The following PTPRG variants were observed in gnomAD, a reference collection of about 807,000 sequenced individuals.
The protein encoded by PTPRG is receptor-type tyrosine-protein phosphatase gamma.
Under a neutral mutation model 165.3 loss-of-function variants are expected in PTPRG, and 102 were observed. That is an observed-to-expected ratio of 0.62 (90% CI 0.53 to 0.73). The LOEUF is 0.73. Ranked by LOEUF, PTPRG falls within the 30% of genes least tolerant of loss-of-function variation. The pLI is 0.00. For missense variants in PTPRG, 1,866 were observed against 1,861.4 expected, an observed-to-expected ratio of 1.00 and a Z score of -0.05; for synonymous variants, 675 against 669.5, an observed-to-expected ratio of 1.01 and a Z score of -0.13.
chr3:61,757,797 G>T (rs1002470294), intron 2 of PTPRG, among the ~76,000 whole-genome samples: 3 of 151,936 alleles, frequency 2.0e-5, no homozygotes, highest in Non-Finnish European at 4.4e-5. Context: ...TTTTTTCTTG[G>T]TTATAAATTT....
intron 5 of PTPRG, among the ~76,000 whole-genome samples, chr3:62,123,994 C>G (rs575045232): frequency 1.3e-5 from 2 of 152,126 alleles, no homozygotes; most frequent in African/African-American, 4.8e-5. Context: ...AAGTCTTTTT[C>G]ATAAATAACG....
At chr3:62,074,333 CCTTT>C (rs1701308313) in intron 4 of PTPRG, among the ~76,000 whole-genome samples, 1 of 138,108 alleles carries the variant, frequency 7.2e-6, no homozygotes, top group African/African-American at 2.9e-5. Context: ...TTCTTTTTTT[CCTTT>C]CTTTTCTTTT....
intron 1 of PTPRG, among the ~76,000 whole-genome samples, chr3:61,589,255 C>G (rs1312599389): frequency 2.0e-5 from 3 of 152,078 alleles, no homozygotes; most frequent in African/African-American, 7.2e-5. Context: ...TGCTGTGTAG[C>G]CTGCATGCCT....
At chr3:61,755,176 T>G (rs540847974) in intron 2 of PTPRG, among the ~76,000 whole-genome samples, 1 of 152,158 alleles carries the variant, frequency 6.6e-6, no homozygotes, top group African/African-American at 2.4e-5. Flanking sequence ...CCCGACTAAT[T>G]TTTGTATTTT....
chr3:62,098,679 A>G (rs1404989915), intron 5 of PTPRG, among the ~76,000 whole-genome samples: 1 of 152,212 alleles, frequency 6.6e-6, no homozygotes, highest in East Asian at 1.9e-4. Flanking sequence ...ATTACCTTCC[A>G]GGAAACCTGG....
At chr3:61,863,008 T>A (rs2037314084) in intron 2 of PTPRG, among the ~76,000 whole-genome samples, 1 of 152,134 alleles carries the variant, frequency 6.6e-6, no homozygotes, top group Non-Finnish European at 1.5e-5. Context: ...TAACAGTCAA[T>A]AAAATCTATG....
intron 17 of PTPRG, among the ~76,000 whole-genome samples, chr3:62,264,480 G>C (rs1182310756): frequency 6.6e-6 from 1 of 152,046 alleles, no homozygotes; most frequent in Non-Finnish European, 1.5e-5. Context: ...TAGAAACCCT[G>C]TATCTACCTT....
At chr3:61,980,991 G>A (rs1274507774) in intron 2 of PTPRG, among the ~76,000 whole-genome samples, 2 of 152,196 alleles carry the variant, frequency 1.3e-5, no homozygotes, top group African/African-American at 4.8e-5. Flanking sequence ...CCGTTCTCAT[G>A]CTGCTGTGAA....
At chr3:61,598,618 A>G (rs767858007) in intron 1 of PTPRG, among the ~76,000 whole-genome samples, 1 of 152,126 alleles carries the variant, frequency 6.6e-6, no homozygotes, top group Non-Finnish European at 1.5e-5. Context: ...ACAAGAGAAG[A>G]TGTGAGCTTG....
rs562085567 is a variant in PTPRG at position 61,956,856 on chromosome 3, A to C, written c.191-32769A>C. On this transcript the variant is annotated intron_variant, in intron 2 of 29. Coordinates refer to ENST00000474889, the MANE Select transcript of PTPRG (RefSeq NM_002841.4). Reference sequence around the variant, plus strand: ...TAGCTATTTCCCTCTTTATCCTGGAATAGTACCACAGTGTGTTTTTCACTC... The same window carrying C: ...TAGCTATTTCCCTCTTTATCCTGGACTAGTACCACAGTGTGTTTTTCACTC... 6.6e-5 allele frequency among the ~76,000 whole-genome samples: 10 copies of C among 152,302 alleles called. No homozygotes were observed. The South Asian group carries it at 1.9e-3, about 28-fold the overall frequency.
intron 1 of PTPRG, among the ~76,000 whole-genome samples, chr3:61,698,661 G>T (rs904593735): frequency 3.9e-5 from 6 of 152,092 alleles, no homozygotes; most frequent in Admixed American, 1.3e-4. Context: ...CCTGAAAGAG[G>T]TTTTGTTTAT....
intron 2 of PTPRG, among the ~76,000 whole-genome samples, chr3:61,771,989 G>C (rs1314155905): frequency 1.3e-5 from 2 of 151,138 alleles, no homozygotes; most frequent in African/African-American, 4.9e-5. Context: ...GAACCTGAGA[G>C]GCGGAGGGTG....
At chr3:62,045,403 C>T (rs765122001) in intron 4 of PTPRG, among the ~76,000 whole-genome samples, 15 of 152,140 alleles carry the variant, frequency 9.9e-5, no homozygotes, top group Non-Finnish European at 1.3e-4. Flanking sequence ...TTAGCTGTAC[C>T]GCCCTTAGCC....
At chr3:61,608,927 G>A (rs1317265079) in intron 1 of PTPRG, among the ~76,000 whole-genome samples, 1 of 152,220 alleles carries the variant, frequency 6.6e-6, no homozygotes, top group Admixed American at 6.5e-5. Context: ...TCTGGGCTCA[G>A]TGGGGAAGAG....
At chr3:62,153,651 A>G (rs149716389) in intron 6 of PTPRG, among the ~76,000 whole-genome samples, 22 of 152,326 alleles carry the variant, frequency 1.4e-4, no homozygotes, top group Admixed American at 8.5e-4. Flanking sequence ...AGTAACAACA[A>G]TGAGAGTAAG....
At chr3:61,663,215 A>ATG (rs58573933) in intron 1 of PTPRG, among the ~76,000 whole-genome samples, 4,263 of 152,274 alleles carry the variant, frequency 0.028, 197 homozygotes, top group African/African-American at 0.097. Context: ...CATCCCATTC[A>ATG]TGTTTGGGAA....
intron 1 of PTPRG, among the ~76,000 whole-genome samples, chr3:61,675,420 C>G (rs1703186106): frequency 6.6e-6 from 1 of 151,646 alleles, no homozygotes; most frequent in Non-Finnish European, 1.5e-5. Flanking sequence ...TTTAATTTGT[C>G]TTTATAATGC....
intron 2 of PTPRG, among the ~76,000 whole-genome samples, chr3:61,929,374 G>A (rs2039304434): frequency 6.6e-6 from 1 of 151,824 alleles, no homozygotes; most frequent in South Asian, 2.1e-4. Flanking sequence ...TTACCAGATC[G>A]AGCGTTTCTT....
Position 62,007,777 on chromosome 3 carries a change from C to T in PTPRG, c.519+4280C>T, listed in dbSNP as rs116512088. Reference sequence around the variant, plus strand: ...AATGGAGACATGGATACTTATTAGACGGAAAAGATGAGTTGGAGCTTCCTA... The same window carrying T: ...AATGGAGACATGGATACTTATTAGATGGAAAAGATGAGTTGGAGCTTCCTA... On this transcript the variant is annotated intron_variant, in intron 4 of 29. Transcript: ENST00000474889. 8.5e-3 allele frequency among the ~76,000 whole-genome samples: 1,288 copies of T among 152,212 alleles called. 27 individuals carry two copies. The highest frequency in any genetic ancestry group is 0.03 in the African/African-American group (1,237 of 41,538).
Sources: allele counts gnomAD v4.1 joint callset (sites outside exome capture counted in the v4.1 genomes callset), GRCh38; gene constraint gnomAD v4.1.1; transcripts MANE v1.5; gene names NCBI Gene and HGNC (gene_info 2026-07-23, HGNC 2026-07-21).